Variants in CSMD1 observed in about 807,000 individuals in gnomAD.
The protein encoded by CSMD1 is CUB and sushi domain-containing protein 1.
CSMD1 carries 213 observed loss-of-function variants against 417.5 expected under a neutral mutation model. The ratio of observed to expected loss-of-function variants is 0.51; its 90% confidence interval spans 0.46 to 0.57. The LOEUF (loss-of-function observed/expected upper bound fraction) is 0.57, where lower values mean the gene tolerates loss of function less well. Among genes scored for constraint, CSMD1 ranks in the 20% least tolerant of loss-of-function variants. The probability of loss-of-function intolerance (pLI) is 0.00; values close to 1 mark genes in which losing one functional copy is unlikely to be tolerated. For synonymous variants in CSMD1, 2,862 were observed against 1,736.8 expected, an observed-to-expected ratio of 1.65 and a Z score of -16.11; for missense variants, 6,923 against 4,529.7, an observed-to-expected ratio of 1.53 and a Z score of -15.17.
rs555536771 is a variant in CSMD1 at position 3,940,604 on chromosome 8, T to C, written c.818+57299A>G. Among the ~76,000 whole-genome samples the C allele has an allele frequency of 2.6e-5, 4 of 151,610 alleles. No homozygotes were observed. The Admixed American group carries it at 2.6e-4, about 10-fold the overall frequency. ...AAGAACAACAACAAAAAAGAACATA[T>C]ACACCACAACACTGCCAATCAATAT... On this transcript the variant is annotated intron_variant, in intron 5 of 69. Transcript: ENST00000635120.
chr8:3,036,221 A>G (rs181146794), intron 50 of CSMD1, among the ~76,000 whole-genome samples: 101 of 152,330 alleles, frequency 6.6e-4, no homozygotes, highest in African/African-American at 2.4e-3. Context: ...CAGTGACAGG[A>G]TAGAAGAATA....
At chr8:4,432,490 T>C (rs1279027841) in intron 2 of CSMD1, among the ~76,000 whole-genome samples, 1 of 152,122 alleles carries the variant, frequency 6.6e-6, no homozygotes, top group Non-Finnish European at 1.5e-5. Flanking sequence ...CTCCTTGGGG[T>C]GTCTACTAAC....
Position 3,393,885 on chromosome 8 carries a change from T to C in CSMD1, c.2593+2309A>G, listed in dbSNP as rs1332345936. ...GGATAGCATTAGGAGATATACCTAA[T>C]GTAAATGACGAGTTAATGGGTGCAG... On this transcript the variant is annotated intron_variant, in intron 17 of 69. Transcript: ENST00000635120. 3.3e-5 allele frequency among the ~76,000 whole-genome samples: 5 copies of C among 150,824 alleles called. 1 individual carries two copies. In the East Asian group the frequency reaches 9.8e-4, roughly 30 times the overall value.
chr8:3,147,340 G>C (rs766236102), intron 40 of CSMD1, among the ~76,000 whole-genome samples: 149 of 152,184 alleles, frequency 9.8e-4, no homozygotes, highest in Admixed American at 2.1e-3. Context: ...TTACACGAAA[G>C]CAACTTTTCT....
At chr8:3,294,544 GC>G (rs1277642308) in intron 25 of CSMD1, among the ~76,000 whole-genome samples, 1 of 138,596 alleles carries the variant, frequency 7.2e-6, no homozygotes, top group East Asian at 2.1e-4. Flanking sequence ...CCCCAGCCTC[GC>G]TGCAGCCTTG....
chr8:3,909,735 G>C (rs570634318), intron 5 of CSMD1, among the ~76,000 whole-genome samples: 4 of 152,110 alleles, frequency 2.6e-5, no homozygotes, highest in African/African-American at 9.7e-5. Flanking sequence ...CAAAAGTTTA[G>C]GGAAGGGGGT....
chr8:4,027,738 A>C (rs1211396203), intron 4 of CSMD1, among the ~76,000 whole-genome samples: 1 of 152,214 alleles, frequency 6.6e-6, no homozygotes, highest in Admixed American at 6.5e-5. Flanking sequence ...ACTTGAAGCC[A>C]GTCTGTTTGA....
chr8:3,765,710 C>T (rs1169207864), intron 5 of CSMD1, among the ~76,000 whole-genome samples: 1 of 152,222 alleles, frequency 6.6e-6, no homozygotes, highest in Non-Finnish European at 1.5e-5. Context: ...TTCCCATCAG[C>T]ACTGCAGCCT....
chr8:3,249,608 A>G (rs1800124418), intron 26 of CSMD1, among the ~76,000 whole-genome samples: 1 of 152,184 alleles, frequency 6.6e-6, no homozygotes, highest in Admixed American at 6.5e-5. Flanking sequence ...ATACACACAC[A>G]CACATATATA....
chr8:4,214,446 C>A (rs941235955), intron 3 of CSMD1, among the ~76,000 whole-genome samples: 3 of 152,128 alleles, frequency 2.0e-5, no homozygotes, highest in African/African-American at 4.8e-5. Flanking sequence ...TGCAGGCATG[C>A]ACCACCACAC....
intron 40 of CSMD1, 120 bp from the exon 41 acceptor site, chr8:3,142,794 C>T: frequency 1.1e-6 from 1 of 885,762 alleles, no homozygotes; most frequent in Non-Finnish European, 1.8e-6. Flanking sequence ...TGAGACAGAA[C>T]CATGCCGTGG....
chr8:4,680,975 T>TGTGTGTGTGA (rs767579851), intron 1 of CSMD1, among the ~76,000 whole-genome samples: 2,813 of 136,670 alleles, frequency 0.021, 89 homozygotes, highest in African/African-American at 0.074. Context: ...TGTGTGTGTG[T>TGTGTGTGTGA]GAGAGAGAGA....
rs182198909 is a variant in CSMD1, at chr8:4,788,147, T to A, written c.86-150589A>T. 7.7e-5 allele frequency: 123 copies of A among 1,600,754 alleles called. 1 individual carries two copies. In the East Asian group the frequency reaches 1.8e-3, roughly 24 times the overall value. On this transcript the variant is annotated intron_variant, in intron 1 of 69. Coordinates refer to ENST00000635120, the MANE Select transcript of CSMD1 (RefSeq NM_033225.6). ...TGATGGGCTCTACTTCTGATCTTGG[T>A]CACTGTGAAAAAATCAAGAAGGCCT...
chr8:4,236,497 AT>A (rs2128818372), intron 3 of CSMD1, among the ~76,000 whole-genome samples: 1 of 152,300 alleles, frequency 6.6e-6, no homozygotes, highest in African/African-American at 2.4e-5. Context: ...CAGAGTAGGA[AT>A]CTGAGATGAT....
At chr8:4,141,912 G>A (rs915148846) in intron 3 of CSMD1, among the ~76,000 whole-genome samples, 1 of 151,040 alleles carries the variant, frequency 6.6e-6, no homozygotes, top group Admixed American at 6.6e-5. Flanking sequence ...GAACTTCTTA[G>A]AGTGTGATAT....
At chr8:3,656,643 T>G (rs1439586343) in intron 7 of CSMD1, among the ~76,000 whole-genome samples, 1 of 152,118 alleles carries the variant, frequency 6.6e-6, no homozygotes, top group Non-Finnish European at 1.5e-5. Flanking sequence ...TACAAAGGCT[T>G]TAGGCCAGGC....
At chr8:4,991,585 C>A (rs2117481088) in intron 1 of CSMD1, among the ~76,000 whole-genome samples, 1 of 152,284 alleles carries the variant, frequency 6.6e-6, no homozygotes, top group South Asian at 2.1e-4. Context: ...AGTGGCCGGG[C>A]GCCCTCCTGC....
At chr8:4,504,891 A>G (rs534832969) in intron 2 of CSMD1, among the ~76,000 whole-genome samples, 113 of 152,278 alleles carry the variant, frequency 7.4e-4, no homozygotes, top group Middle Eastern at 3.4e-3. Flanking sequence ...ATTGATGGGC[A>G]TTTGGGTTGG....
At chr8:4,423,171 G>A (rs947985728) in intron 2 of CSMD1, among the ~76,000 whole-genome samples, 1 of 152,028 alleles carries the variant, frequency 6.6e-6, no homozygotes, top group Non-Finnish European at 1.5e-5. Flanking sequence ...AGAATGCTTT[G>A]AACATTCTTA....
Sources: gnomAD v4.1 joint callset for allele counts (sites outside exome capture counted in the v4.1 genomes callset) on GRCh38, gnomAD v4.1.1 for gene constraint, MANE v1.5 for transcripts, NCBI Gene and HGNC (gene_info 2026-07-23, HGNC 2026-07-21) for gene names.